Variants in ZNF709 observed in about 807,000 individuals in gnomAD.
ZNF709 encodes zinc finger protein 709.
A neutral mutation model predicts 10.6 loss-of-function variants in ZNF709; 15 were observed. The ratio of observed to expected loss-of-function variants is 1.41; its 90% CI spans 0.95 to 2.18. The LOEUF is 2.18. Among genes scored for constraint, ZNF709 ranks in the 30% most tolerant of loss-of-function variants. The pLI, the probability that ZNF709 is intolerant of heterozygous loss-of-function variation, is 0.00. For missense variants in ZNF709, 589 were observed against 774.0 expected (o/e 0.76, Z 2.84); for synonymous variants, 194 against 238.8 (o/e 0.81, Z 1.73).
At chr19:12,467,469 G>A (rs1424117406) in intron 1 of ZNF709, among the ~76,000 whole-genome samples, 1 of 152,212 alleles carries the variant, frequency 6.6e-6, no homozygotes, top group African/African-American at 2.4e-5. Context: ...CTGGAGTGCA[G>A]TGGCGTGATC....
chr19:12,476,758 T>G (rs1321738963), intron 1 of ZNF709, among the ~76,000 whole-genome samples: 2 of 152,248 alleles, frequency 1.3e-5, no homozygotes, highest in African/African-American at 4.8e-5. Context: ...GTGTCAGGGA[T>G]GGAGCGGCCC....
At chr19:12,484,438 G>A (rs1397986655) in intron 1 of ZNF709, among the ~76,000 whole-genome samples, 1 of 152,192 alleles carries the variant, frequency 6.6e-6, no homozygotes, top group Non-Finnish European at 1.5e-5. Context: ...GGCCGCAGTC[G>A]CCGCGCAGGG....
intron 1 of ZNF709, among the ~76,000 whole-genome samples, chr19:12,470,612 C>T (rs1039374346): frequency 1.3e-5 from 2 of 152,062 alleles, no homozygotes; most frequent in African/African-American, 2.4e-5. Flanking sequence ...GGAGGGACCC[C>T]GCCAACCTAA....
intron 3 of ZNF709, 111 bp from the exon 4 acceptor site, chr19:12,465,844 G>A (rs1970566025): frequency 6.8e-6 from 6 of 879,882 alleles, no homozygotes. Context: ...TTACACTTTT[G>A]CCATTTTCAG....
chr19:12,480,818 C>A (rs1177413255), intron 1 of ZNF709, among the ~76,000 whole-genome samples: 4 of 152,082 alleles, frequency 2.6e-5, no homozygotes, highest in Admixed American at 1.3e-4. Flanking sequence ...ATCTGTCGCC[C>A]AGGCTGAATG....
chr19:12,483,047 G>A (rs1250698823), intron 1 of ZNF709, among the ~76,000 whole-genome samples: 3 of 152,008 alleles, frequency 2.0e-5, no homozygotes, highest in Admixed American at 1.3e-4. Context: ...GAAAAGGAAA[G>A]AACAGACCTG....
rs371859756 is a variant in ZNF709 at position 12,464,532 on chromosome 19, G to A, written c.1390C>T (p.Arg464Ter). ...GKAFSCSSSFRMHERIHTGEK... is the reference protein window; with the variant it reads ...GKAFSCSSSF ...CCAGTGTGAATTCTTTCATGCATTC[G>A]AAAGGAACTGGAACAACTGAAGGCT... is the stretch of plus-strand genomic sequence containing the variant. Residue 464 changes from arginine to a stop codon, truncating the protein, a stop_gained, in exon 4 of 4, where the codon CGA (arginine) becomes TGA (stop). Coordinates refer to ENST00000397732, the MANE Select transcript of ZNF709 (RefSeq NM_152601.4). LOFTEE classifies it low-confidence loss of function (END_TRUNC). 27 of 1,612,364 alleles carry A rather than the reference G, an allele frequency of 1.7e-5. No individual in the cohort carries two copies. The highest frequency in any genetic ancestry group is 4.0e-5 in the African/African-American group (3 of 74,744).
Position 12,465,275 on chromosome 19 carries a change from C to G in ZNF709, c.647G>C (p.Arg216Thr), listed in dbSNP as rs1398482487. 1.9e-6 allele frequency: 3 copies of G among 1,612,872 alleles called. No homozygotes were observed. Among genetic ancestry groups the G allele is most frequent in the South Asian group, 1.1e-5 (1 of 90,894 alleles). Residue 216 changes from arginine to threonine, a missense_variant, in exon 4 of 4, where the codon AGA (arginine) becomes ACA (threonine). By Grantham distance (71) the Arg-to-Thr change is moderately conservative. Coordinates refer to ENST00000397732, the MANE Select transcript of ZNF709 (RefSeq NM_152601.4). ...ATAGGGTTTCTCCCCTGTGTGCATT[C>G]TCATGTGTCCTCGAAAGGTTGTGTG... is the stretch of plus-strand genomic sequence containing the variant. Reference protein sequence around the residue: ...IYHTTFRGHMRMHTGEKPYKC... With the variant: ...IYHTTFRGHMTMHTGEKPYKC...
In ZNF709 at chr19:12,466,789, C is replaced by T; in HGVS notation, c.65G>A (p.Gly22Asp). The T allele has an allele frequency of 6.2e-7, 1 of 1,613,972 alleles. No homozygotes were observed. Among genetic ancestry groups the T allele is most frequent in the Middle Eastern group, 1.6e-4 (1 of 6,062 alleles). Reference protein sequence around the residue: ...NFTQEEWALLGPSQKKLYRDV... With the variant: ...NFTQEEWALLDPSQKKLYRDV... ...TCTGTAGAGTTTCTTCTGAGAGGGA[C>T]CCAGCAAAGCCCACTCCTCCTGGGT... Residue 22 changes from glycine (G) to aspartate (D), a missense_variant, in exon 2 of 4, where the codon GGT (glycine) becomes GAT (aspartate). Gly to Asp is a moderately conservative substitution (Grantham distance 94). Transcript: ENST00000397732.
intron 1 of ZNF709, among the ~76,000 whole-genome samples, chr19:12,478,413 C>A (rs1157163100): frequency 1.3e-5 from 2 of 152,186 alleles, no homozygotes; most frequent in Non-Finnish European, 2.9e-5. Flanking sequence ...GCTCAACATG[C>A]AGCACAGAGT....
chr19:12,466,342 T>C (rs1970570403), intron 3 of ZNF709, 120 bp downstream of exon 3: 2 of 1,061,212 alleles, frequency 1.9e-6, no homozygotes, highest in Non-Finnish European at 1.3e-6. Context: ...TGGCAAAAAT[T>C]TTCAAAAAAT....
At position 12,462,429 on chromosome 19, in the gene ZNF709, T is replaced by C. The variant is rs1970525186; in HGVS notation, c.*1567A>G. ...AATCCAGGACAGCCATTTCCAGCTA[T>C]AGGTTATATGGTTCTATCTCAGATC... On this transcript the variant is annotated 3_prime_UTR_variant, in exon 4 of 4. Transcript: ENST00000397732. 1 of 152,210 alleles carries C rather than the reference T, an allele frequency of 6.6e-6. No homozygotes were observed. Among genetic ancestry groups the C allele is most frequent in the African/African-American group, 2.4e-5 (1 of 41,458 alleles). The allele number at this position is 152,210 out of a possible 1,614,324, so 9.4% of individuals were successfully genotyped here.
At chr19:12,472,816 G>A (rs1359504421) in intron 1 of ZNF709, among the ~76,000 whole-genome samples, 1 of 151,936 alleles carries the variant, frequency 6.6e-6, no homozygotes, top group Non-Finnish European at 1.5e-5. Flanking sequence ...ATGGGAGGTG[G>A]AGGTTGCAGT....
chr19:12,463,727 G>C lies in ZNF709; in HGVS notation c.*269C>G, dbSNP rs1251604575. 2 of 255,322 alleles carry C rather than the reference G, an allele frequency of 7.8e-6. No homozygotes were observed. The highest frequency in any genetic ancestry group is 1.4e-4 in the East Asian group (2 of 14,130). 15.8% of individuals were successfully genotyped at this position (255,322 alleles called of 1,614,324 possible). A position where few individuals can be genotyped will look rare whatever the true frequency, so the allele number is the denominator to read the frequency against. On this transcript the variant is annotated 3_prime_UTR_variant, in exon 4 of 4. Transcript: ENST00000397732. The stretch of plus-strand genomic sequence containing the variant: ...GGATCGTCTGAGGTCAGGAGTTCGA[G>C]ACCAGCCTGGCCAACATGGCGAAAC...
chr19:12,468,178 C>A (rs543264997), intron 1 of ZNF709, among the ~76,000 whole-genome samples: 63 of 152,350 alleles, frequency 4.1e-4, no homozygotes, highest in Non-Finnish European at 6.5e-4. Flanking sequence ...CGGCCACCAC[C>A]CCGTCTGGGA....
intron 1 of ZNF709, 88 bp downstream of exon 1, chr19:12,484,567 G>C (rs1970762307): frequency 6.6e-7 from 1 of 1,519,928 alleles, no homozygotes; most frequent in African/African-American, 1.4e-5. Context: ...ACAACGGCGG[G>C]GAGGCCTGGG....
intron 1 of ZNF709, among the ~76,000 whole-genome samples, chr19:12,478,394 C>G (rs1970693718): frequency 6.6e-6 from 1 of 152,222 alleles, no homozygotes; most frequent in African/African-American, 2.4e-5. Context: ...AGAACCCAGA[C>G]TTGGCAGGGC....
intron 1 of ZNF709, among the ~76,000 whole-genome samples, chr19:12,469,652 CCAGCTACT>C (rs1970618168): frequency 6.6e-6 from 1 of 151,762 alleles, no homozygotes; most frequent in Admixed American, 6.6e-5. Context: ...GCCTGTAGAC[CCAGCTACT>C]CAGGAGGCTG....
chr19:12,480,251 C>T (rs1260671838), intron 1 of ZNF709, among the ~76,000 whole-genome samples: 1 of 152,076 alleles, frequency 6.6e-6, no homozygotes, highest in Non-Finnish European at 1.5e-5. Context: ...TGACAAGGTG[C>T]ATTATTATGT....
Sources: gnomAD v4.1 joint callset for allele counts (sites outside exome capture counted in the v4.1 genomes callset) on GRCh38, gnomAD v4.1.1 for gene constraint, MANE v1.5 for transcripts, NCBI Gene and HGNC (gene_info 2026-07-23, HGNC 2026-07-21) for gene names.